GRID2: variants seen among roughly 807,000 people sequenced by gnomAD.
The protein encoded by GRID2 is glutamate ionotropic receptor delta type subunit 2, also known as glutamate receptor ionotropic, delta-2.
Under a neutral mutation model 114.8 loss-of-function variants are expected in GRID2, and 33 were observed. That is an observed-to-expected ratio of 0.29 (90% CI 0.22 to 0.38). The LOEUF is 0.38. Ranked by LOEUF, GRID2 falls within the 10% of genes least tolerant of loss-of-function variation. GRID2 has a pLI of 1.00. For synonymous variants in GRID2, 505 were observed against 449.9 expected (o/e 1.12, Z -1.55); for missense variants, 1,184 against 1,257.7 (o/e 0.94, Z 0.89).
chr4:92,918,569 T>C (rs1175629481), intron 2 of GRID2, among the ~76,000 whole-genome samples: 2 of 152,214 alleles, frequency 1.3e-5, no homozygotes, highest in Non-Finnish European at 2.9e-5. Context: ...GAAGGGTTGT[T>C]GAATTTTGTC....
At chr4:92,931,867 G>GA (rs1213030726) in intron 2 of GRID2, among the ~76,000 whole-genome samples, 3 of 150,932 alleles carry the variant, frequency 2.0e-5, no homozygotes, top group Non-Finnish European at 4.5e-5. Context: ...CAACTCAATG[G>GA]AAAAAAGAAG....
At chr4:93,677,451 G>A (rs1475977450) in intron 14 of GRID2, among the ~76,000 whole-genome samples, 1 of 152,202 alleles carries the variant, frequency 6.6e-6, no homozygotes, top group African/African-American at 2.4e-5. Flanking sequence ...CGCAGCTGGA[G>A]ATCTGAGAAC....
chr4:93,320,214 G>C (rs1757070225), intron 8 of GRID2, among the ~76,000 whole-genome samples: 1 of 152,066 alleles, frequency 6.6e-6, no homozygotes, highest in South Asian at 2.1e-4. Context: ...TGGAGGATAA[G>C]GGGTGGACAG....
chr4:93,310,222 A>G (rs1450501226), intron 8 of GRID2, among the ~76,000 whole-genome samples: 2 of 152,176 alleles, frequency 1.3e-5, no homozygotes, highest in African/African-American at 4.8e-5. Flanking sequence ...ATGGTTTATT[A>G]ATATTGAGAA....
chr4:93,647,343 A>T (rs1473038402), intron 14 of GRID2, among the ~76,000 whole-genome samples: 1 of 152,196 alleles, frequency 6.6e-6, no homozygotes, highest in Non-Finnish European at 1.5e-5. Context: ...GACATATTTA[A>T]TGATAGAATG....
intron 2 of GRID2, among the ~76,000 whole-genome samples, chr4:92,648,676 G>A (rs1454689079): frequency 1.3e-5 from 2 of 149,084 alleles, no homozygotes; most frequent in Non-Finnish European, 3.0e-5. Context: ...AAGGAGAAGT[G>A]TGCCCAGTAA....
intron 4 of GRID2, among the ~76,000 whole-genome samples, chr4:93,147,596 T>G (rs1198158290): frequency 1.3e-5 from 2 of 152,184 alleles, no homozygotes; most frequent in East Asian, 3.9e-4. Context: ...ACATTAAGGC[T>G]GCTTGCTTCA....
chr4:93,362,342 A>G (rs772084227), intron 8 of GRID2, among the ~76,000 whole-genome samples: 11 of 151,756 alleles, frequency 7.2e-5, no homozygotes, highest in Non-Finnish European at 1.2e-4. Flanking sequence ...GGTTGTGGAC[A>G]GTTCTTAGGC....
intron 2 of GRID2, among the ~76,000 whole-genome samples, chr4:92,679,771 A>G (rs1050828648): frequency 2.0e-5 from 3 of 152,034 alleles, no homozygotes; most frequent in African/African-American, 7.2e-5. Context: ...TAATGAAGTT[A>G]TTTACAGCTA....
chr4:92,326,863 A>G (rs1368441614), intron 1 of GRID2, among the ~76,000 whole-genome samples: 1 of 152,100 alleles, frequency 6.6e-6, no homozygotes, highest in Non-Finnish European at 1.5e-5. Context: ...CTGTGTCAAG[A>G]ACAGTTTTCA....
In GRID2 at chr4:92,925,166, T is replaced by G. The variant is rs563849844; in HGVS notation, c.245-159829T>G. Among the ~76,000 whole-genome samples, 3 of 152,186 alleles carry G rather than the reference T, an allele frequency of 2.0e-5. No homozygotes were observed. The South Asian group carries it at 6.2e-4, about 31-fold the overall frequency. ...ACACATAAAGCAACGACCTCAAAAT[T>G]AAAAAGTTACTTTGGATAAAATTCA... On this transcript the variant is annotated intron_variant, in intron 2 of 15. Transcript: ENST00000282020.
At chr4:93,808,782 G>A (rs1735079310) in exon 2 of GRID2, 1 of 152,170 alleles carries the variant, frequency 6.6e-6, no homozygotes, top group African/African-American at 2.4e-5. Context: ...GTGGTTCAGG[G>A]AATCATCTGG....
At chr4:92,550,088 C>T (rs2149171853) in intron 1 of GRID2, among the ~76,000 whole-genome samples, 1 of 152,166 alleles carries the variant, frequency 6.6e-6, no homozygotes, top group South Asian at 2.1e-4. Flanking sequence ...CAGAATAAGA[C>T]ATTGATATAT....
intron 14 of GRID2, among the ~76,000 whole-genome samples, chr4:93,668,993 T>C (rs1365787393): frequency 2.0e-5 from 3 of 152,084 alleles, no homozygotes; most frequent in African/African-American, 4.8e-5. Flanking sequence ...TTATGTTTTA[T>C]AGTAGGTACA....
chr4:93,102,452 T>A (rs1731795973), intron 3 of GRID2, among the ~76,000 whole-genome samples: 1 of 151,938 alleles, frequency 6.6e-6, no homozygotes, highest in Non-Finnish European at 1.5e-5. Context: ...AAAGAAAAAA[T>A]CAACTTTAGG....
At chr4:93,656,109 TA>T (rs1722967908) in intron 14 of GRID2, among the ~76,000 whole-genome samples, 2 of 151,938 alleles carry the variant, frequency 1.3e-5, no homozygotes, top group South Asian at 4.2e-4. Flanking sequence ...TTAACAATTT[TA>T]TTAAAATATC....
chr4:93,291,143 G>A (rs1753715946), intron 8 of GRID2, among the ~76,000 whole-genome samples: 1 of 151,808 alleles, frequency 6.6e-6, no homozygotes, highest in Admixed American at 6.6e-5. Flanking sequence ...AAAGTGCTGG[G>A]GTTATAGGCG....
intron 1 of GRID2, among the ~76,000 whole-genome samples, chr4:92,379,121 A>G (rs1399867106): frequency 6.6e-6 from 1 of 151,996 alleles, no homozygotes; most frequent in Admixed American, 6.6e-5. Context: ...CAAAATGACA[A>G]CTAAATTTAT....
In GRID2 at chr4:92,600,069, T is replaced by A. The variant is rs914801045; in HGVS notation, c.244+9783T>A. On this transcript the variant is annotated intron_variant, in intron 2 of 15. Transcript: ENST00000282020. Reference sequence around the variant, plus strand: ...GTATATATATATATATATATATATATATATATATATATATATATATTTCTC... The same window carrying A: ...GTATATATATATATATATATATATAAATATATATATATATATATATTTCTC... Among the ~76,000 whole-genome samples the A allele has an allele frequency of 2.8e-3, 375 of 134,662 alleles. 15 individuals carry two copies. The East Asian group carries it at 0.067, about 24-fold the overall frequency. 88.3% of individuals were successfully genotyped at this position (134,662 alleles called of 152,430 possible).
Sources: allele counts gnomAD v4.1 joint callset (sites outside exome capture counted in the v4.1 genomes callset), GRCh38; gene constraint gnomAD v4.1.1; transcripts MANE v1.5; gene names NCBI Gene and HGNC (gene_info 2026-07-23, HGNC 2026-07-21).